Variants in PLCH2 observed in about 807,000 individuals in gnomAD.
The protein encoded by PLCH2 is phospholipase C eta 2.
A neutral mutation model predicts 134.7 loss-of-function variants in PLCH2; 98 were observed. The ratio of observed to expected loss-of-function variants is 0.73; its 90% CI spans 0.62 to 0.86. The LOEUF is 0.86. Among genes scored for constraint, PLCH2 ranks in the 40% least tolerant of loss-of-function variants. PLCH2 has a pLI of 0.00. For missense variants in PLCH2, 1,994 were observed against 1,986.6 expected (o/e 1.00, Z -0.07); for synonymous variants, 974 against 827.5 (o/e 1.18, Z -3.04).
rs373526903 is a variant in PLCH2, at chr1:2,484,664, G to A, written c.816+46G>A. On this transcript the variant is annotated intron_variant, in intron 5 of 21. Coordinates refer to ENST00000378486, the MANE Select transcript of PLCH2 (RefSeq NM_014638.4). ...GTTGGGGGGCCAGCCATCAGGCCTC[G>A]CCTTCTGTTCTGAGCTTTGAGCTTC... 1,192 of 1,591,704 alleles carry A rather than the reference G, an allele frequency of 7.5e-4. 4 individuals are homozygous for A. Among genetic ancestry groups the A allele is most frequent in the Middle Eastern group, 4.4e-3 (26 of 5,854 alleles).
At chr1:2,491,372 G>A (rs772250725) in intron 11 of PLCH2, 37 bp downstream of exon 11, 2 of 1,597,094 alleles carry the variant, frequency 1.3e-6, no homozygotes, top group Non-Finnish European at 1.7e-6. Flanking sequence ...GATGCCGACA[G>A]GCCCCCCCGA....
At chr1:2,459,958 C>T (rs1346563541) in intron 2 of PLCH2, among the ~76,000 whole-genome samples, 2 of 152,232 alleles carry the variant, frequency 1.3e-5, no homozygotes, top group African/African-American at 4.8e-5. Context: ...GGCCCCTCAC[C>T]ACTCTGTTCG....
chr1:2,498,513 A>T lies in PLCH2; in HGVS notation c.2225-10A>T, dbSNP rs1643019134. The stretch of plus-strand genomic sequence containing the variant: ...CTGGGCCACTGACCACCTCCCCGGC[A>T]TCCCCTCAGGCGTGTTCAACCCCAA... On this transcript the variant is annotated splice_polypyrimidine_tract_variant and intron_variant, in intron 16 of 21. Coordinates refer to ENST00000378486, the MANE Select transcript of PLCH2 (RefSeq NM_014638.4). This position sits in a 1 kb window ranked among gnomAD's most constrained non-coding sequence, Gnocchi z 5.4. 1 of 1,603,084 alleles carries T rather than the reference A, an allele frequency of 6.2e-7. No individual in the cohort carries two copies. The highest frequency in any genetic ancestry group is 1.3e-5 in the African/African-American group (1 of 74,674).
chr1:2,420,463 C>T, the PLCH2 span, among the ~76,000 whole-genome samples: 2 of 152,256 alleles, frequency 1.3e-5, no homozygotes, highest in African/African-American at 2.4e-5. Flanking sequence ...GGATGCGGGG[C>T]TGAACGGTTA....
In PLCH2 at chr1:2,480,174, G is replaced by A. The variant is rs372058992; in HGVS notation, c.516-9G>A. The A allele has an allele frequency of 1.1e-5, 17 of 1,612,584 alleles. No individual in the cohort carries two copies. Among genetic ancestry groups the A allele is most frequent in the Non-Finnish European group, 1.4e-5 (17 of 1,179,756 alleles). ...ATGGATCGCTGTTGGCCCCTAACTC[G>A]GCACCAAAGTGGCTGAAGCAGACGT... On this transcript the variant is annotated splice_polypyrimidine_tract_variant and intron_variant, in intron 3 of 21. Transcript: ENST00000378486.
At chr1:2,446,076 G>A (rs998739678) in intron 2 of PLCH2, among the ~76,000 whole-genome samples, 3 of 152,196 alleles carry the variant, frequency 2.0e-5, no homozygotes, top group Non-Finnish European at 4.4e-5. Flanking sequence ...GGTCCCTCCC[G>A]CTGCCTGGCC....
chr1:2,491,291 T>C lies in PLCH2; in HGVS notation c.1615T>C (p.Phe539Leu). ...KIRDCEDPNN[F>L]SVSTLSPSGK... ...TCGGGACTGTGAGGACCCCAACAAC[T>C]TCTCCGTCTCCACACTGTCCCCATC... Residue 539 changes from phenylalanine to leucine, a missense_variant, in exon 11 of 22, where the codon TTC (phenylalanine) becomes CTC (leucine). Coordinates refer to ENST00000378486, the MANE Select transcript of PLCH2 (RefSeq NM_014638.4). 6.2e-7 allele frequency: 1 copy of C among 1,613,312 alleles called. No individual in the cohort carries two copies.
rs1642614044 is a variant in PLCH2, at chr1:2,491,998, T to A, written c.1659+663T>A. On this transcript the variant is annotated intron_variant, in intron 11 of 21. Coordinates refer to ENST00000378486, the MANE Select transcript of PLCH2 (RefSeq NM_014638.4). ...CAGAGTGGGGAGCGTGGGTGGGCCC[T>A]ACAGACCCTCCACAGGGTGACAGTG... Among the ~76,000 whole-genome samples, 5 of 152,270 alleles carry A rather than the reference T, an allele frequency of 3.3e-5. No individual in the cohort carries two copies. In the South Asian group the frequency reaches 1.0e-3, roughly 32 times the overall value.
intron 1 of PLCH2, among the ~76,000 whole-genome samples, chr1:2,469,040 T>G (rs1202727808): frequency 6.6e-6 from 1 of 152,158 alleles, no homozygotes; most frequent in Non-Finnish European, 1.5e-5. Context: ...GGGCAGACAC[T>G]GTTTGTAGGA....
At position 2,498,362 on chromosome 1, in the gene PLCH2, C is replaced by G; in HGVS notation, c.2225-161C>G. ...GTGATCCATACTGGGCCAGGTGCACCCCGAGGTGCCCCCCTGGACCACTGC... is the reference window on the plus strand; with the variant it reads ...GTGATCCATACTGGGCCAGGTGCACGCCGAGGTGCCCCCCTGGACCACTGC... On this transcript the variant is annotated intron_variant, in intron 16 of 21. Transcript: ENST00000378486. The surrounding 1 kb of genome is among the most constrained non-coding windows in gnomAD (Gnocchi z 5.4). 1.4e-6 allele frequency: 1 copy of G among 714,178 alleles called. No individual in the cohort carries two copies. Among genetic ancestry groups the G allele is most frequent in the South Asian group, 1.9e-5 (1 of 52,874 alleles). The allele number at this position is 714,178 out of a possible 1,614,324, so 44.2% of individuals were successfully genotyped here.
intron 4 of PLCH2, 40 bp from the exon 5 acceptor site, chr1:2,484,408 G>C: frequency 6.2e-7 from 1 of 1,607,014 alleles, no homozygotes. Flanking sequence ...TGCAGGCCCT[G>C]GTCGAGGTGC....
At chr1:2,497,097 C>T (rs1642936841) in intron 15 of PLCH2, 87 bp downstream of exon 15, 1 of 1,347,698 alleles carries the variant, frequency 7.4e-7, no homozygotes, top group Non-Finnish European at 1.0e-6. Context: ...AGGGGACCCG[C>T]TGGGGCCTCG....
chr1:2,433,815 C>T (rs962209747), intron 2 of PLCH2, among the ~76,000 whole-genome samples: 2 of 152,236 alleles, frequency 1.3e-5, no homozygotes, highest in Non-Finnish European at 2.9e-5. Flanking sequence ...TAGGCAGAGC[C>T]CCTGCCGGCT....
At chr1:2,497,157 TGCTGCCGACACCAG>T (rs1642940595) in intron 15 of PLCH2, 147 bp downstream of exon 15, 1 of 800,114 alleles carries the variant, frequency 1.2e-6, no homozygotes, top group Non-Finnish European at 1.9e-6. Context: ...CTCTGTGGCA[TGCTGCCGACACCAG>T]GCTGCCACTG....
chr1:2,504,531 C>T lies in PLCH2; in HGVS notation c.3569C>T (p.Ala1190Val). 6.2e-7 allele frequency: 1 copy of T among 1,612,552 alleles called. No homozygotes were observed. Among genetic ancestry groups the T allele is most frequent in the Non-Finnish European group, 8.5e-7 (1 of 1,179,750 alleles). Residue 1190 changes from alanine (A) to valine (V), a missense_variant, in exon 22 of 22, where the codon GCC (alanine) becomes GTC (valine). By Grantham distance (64) the Ala-to-Val change is moderately conservative. Around this residue, in one of 2 missense-constraint regions of PLCH2, gnomAD observed 900 missense variants for 752.3 expected, o/e 1.20. Coordinates refer to ENST00000378486, the MANE Select transcript of PLCH2 (RefSeq NM_014638.4). ...CCCAGGCCCCACTCGGCTTCGGCTGCCCGCCCAGACCTGCCACCTGTGACC... is the reference window on the plus strand; with the variant it reads ...CCCAGGCCCCACTCGGCTTCGGCTGTCCGCCCAGACCTGCCACCTGTGACC... ...LPPRPHSASA[A>V]RPDLPPVTKS...
chr1:2,423,650 T>C (rs1355366938), upstream of PLCH2, among the ~76,000 whole-genome samples: 1 of 152,044 alleles, frequency 6.6e-6, no homozygotes, highest in Non-Finnish European at 1.5e-5. Flanking sequence ...AGGTGGAAAA[T>C]GCATTTGCTG....
upstream of PLCH2, among the ~76,000 whole-genome samples, chr1:2,473,500 G>A (rs1000617724): frequency 6.6e-6 from 1 of 152,222 alleles, no homozygotes; most frequent in Admixed American, 6.5e-5. Flanking sequence ...CAGGCCCAGG[G>A]CTGAAGCCGG....
chr1:2,462,328 C>T (rs1467841692), intron 2 of PLCH2, among the ~76,000 whole-genome samples: 1 of 137,370 alleles, frequency 7.3e-6, no homozygotes, highest in Admixed American at 7.2e-5. Flanking sequence ...TGCCTGACAC[C>T]CCTCTGCCTG....
At chr1:2,420,571 C>A in the PLCH2 span, among the ~76,000 whole-genome samples, 1 of 152,172 alleles carries the variant, frequency 6.6e-6, no homozygotes, top group Non-Finnish European at 1.5e-5. Flanking sequence ...CCAGGTCCAG[C>A]TTCTCAGGAC....
Sources: allele counts gnomAD v4.1 joint callset (sites outside exome capture counted in the v4.1 genomes callset), GRCh38; gene constraint gnomAD v4.1.1; regional missense constraint gnomAD v4.1.1; non-coding constraint Gnocchi (gnomAD v3.1); transcripts MANE v1.5; gene names NCBI Gene and HGNC (gene_info 2026-07-23, HGNC 2026-07-21).